IL1RL1: variants seen among roughly 807,000 people sequenced by gnomAD.
IL1RL1 encodes interleukin 1 receptor like 1, also known as interleukin-1 receptor-like 1.
IL1RL1 carries 32 observed loss-of-function variants against 50.9 expected under a neutral mutation model. The ratio of observed to expected loss-of-function variants is 0.63; its 90% CI spans 0.47 to 0.84. The LOEUF (loss-of-function observed/expected upper bound fraction) is 0.84. IL1RL1 is among the 40% of genes least tolerant of loss of function. The probability of loss-of-function intolerance (pLI) is 0.00; values close to 1 mark genes in which losing one functional copy is unlikely to be tolerated. For synonymous variants in IL1RL1, 275 were observed against 236.0 expected (o/e 1.17, Z -1.51); for missense variants, 773 against 662.9 (o/e 1.17, Z -1.82).
intron 8 of IL1RL1, chr2:102,344,493 C>T: frequency 3.2e-6 from 1 of 316,808 alleles, no homozygotes; most frequent in Non-Finnish European, 4.6e-6. Context: ...TCTTGGCCCT[C>T]AGTTTGCAGT....
At chr2:102,337,648 C>G (rs1677376840) in intron 1 of IL1RL1, among the ~76,000 whole-genome samples, 1 of 152,232 alleles carries the variant, frequency 6.6e-6, no homozygotes, top group Non-Finnish European at 1.5e-5. Context: ...TAGTCTAGTT[C>G]TGATTTTGCT....
At chr2:102,323,671 G>T (rs182038309) in intron 1 of IL1RL1, among the ~76,000 whole-genome samples, 5 of 152,170 alleles carry the variant, frequency 3.3e-5, no homozygotes, top group African/African-American at 4.8e-5. Context: ...CAAGGGAGGG[G>T]ATTGAAGGAG....
rs765932268 is a variant in IL1RL1, at chr2:102,338,954, A to G, written c.179A>G (p.Gln60Arg). The stretch of plus-strand genomic sequence containing the variant: ...CAAACAAACAAAAGTATTCCCACTC[A>G]GGAAAGAAATCGTGTGTTTGCCTCA... Reference protein sequence around the residue: ...YSQTNKSIPTQERNRVFASGQ... With the variant: ...YSQTNKSIPTRERNRVFASGQ... Residue 60 changes from glutamine to arginine, a missense_variant, in exon 3 of 11, where the codon CAG becomes CGG. Coordinates refer to ENST00000233954, the MANE Select transcript of IL1RL1 (RefSeq NM_016232.5). 1 of 1,614,008 alleles carries G rather than the reference A, an allele frequency of 6.2e-7. No individual in the cohort carries two copies. Among genetic ancestry groups the G allele is most frequent in the East Asian group, 2.2e-5 (1 of 44,878 alleles).
intron 1 of IL1RL1, among the ~76,000 whole-genome samples, chr2:102,323,728 C>T (rs2104966363): frequency 6.6e-6 from 1 of 152,226 alleles, no homozygotes; most frequent in Non-Finnish European, 1.5e-5. Context: ...CCCAAATGCT[C>T]CCCCTTAAGC....
intron 3 of IL1RL1, chr2:102,339,285 G>A (rs1256038691): frequency 6.8e-6 from 3 of 441,040 alleles, no homozygotes; most frequent in Non-Finnish European, 1.2e-5. Context: ...AGCTGACTTA[G>A]AGAAAAACCT....
At chr2:102,346,026 T>C in intron 8 of IL1RL1, 2 of 982,652 alleles carry the variant, frequency 2.0e-6, no homozygotes, top group Non-Finnish European at 2.4e-6. Flanking sequence ...ATTTCACCTG[T>C]TTTTCTTTAA....
At chr2:102,319,430 G>A (rs1056999911) in intron 1 of IL1RL1, among the ~76,000 whole-genome samples, 3 of 152,098 alleles carry the variant, frequency 2.0e-5, no homozygotes, top group African/African-American at 7.2e-5. Flanking sequence ...AAGAGAAACA[G>A]AAAAGAAAGG....
chr2:102,344,300 C>A, intron 8 of IL1RL1: 1 of 441,914 alleles, frequency 2.3e-6, no homozygotes, highest in Non-Finnish European at 3.0e-6. Context: ...TGGGGATTAC[C>A]ATTCAGCATG....
chr2:102,316,891 G>A (rs1333919752), intron 1 of IL1RL1, among the ~76,000 whole-genome samples: 1 of 152,170 alleles, frequency 6.6e-6, no homozygotes, highest in African/African-American at 2.4e-5. Flanking sequence ...CCTGTACAAT[G>A]ATGGATCAAC....
chr2:102,312,341 A>T (rs994866510), intron 1 of IL1RL1, among the ~76,000 whole-genome samples: 5 of 150,920 alleles, frequency 3.3e-5, no homozygotes, highest in African/African-American at 9.7e-5. Flanking sequence ...TTGTGAGAAA[A>T]GTAGTATTAC....
intron 1 of IL1RL1, among the ~76,000 whole-genome samples, chr2:102,332,406 T>A (rs1384719013): frequency 3.3e-5 from 5 of 152,146 alleles, no homozygotes; most frequent in African/African-American, 1.2e-4. Flanking sequence ...GCAACCCAGA[T>A]GCCCATTAAG....
intron 5 of IL1RL1, chr2:102,341,442 T>G: frequency 1.5e-6 from 1 of 680,098 alleles, no homozygotes; most frequent in Non-Finnish European, 1.9e-6. Flanking sequence ...TTCACAATCA[T>G]AGCTTATCAA....
At chr2:102,347,923 T>C in intron 8 of IL1RL1, 22 bp from the exon 9 acceptor site, 3 of 1,365,618 alleles carry the variant, frequency 2.2e-6, no homozygotes, top group Non-Finnish European at 3.1e-6. Flanking sequence ...GTAATAATAA[T>C]CTTTTTCTTT....
chr2:102,334,432 C>A (rs1677254435), intron 1 of IL1RL1, among the ~76,000 whole-genome samples: 1 of 152,084 alleles, frequency 6.6e-6, no homozygotes, highest in South Asian at 2.1e-4. Context: ...GCTAATGGAG[C>A]TGGGGGGCCC....
intron 8 of IL1RL1, chr2:102,344,299 C>A: frequency 2.3e-6 from 1 of 435,246 alleles, no homozygotes; most frequent in Non-Finnish European, 3.1e-6. Context: ...CTGGGGATTA[C>A]CATTCAGCAT....
At chr2:102,312,079 TTA>T (rs1216584900) in intron 1 of IL1RL1, among the ~76,000 whole-genome samples, 1 of 106,862 alleles carries the variant, frequency 9.4e-6, no homozygotes, top group African/African-American at 3.6e-5. Context: ...TGTTATAATG[TTA>T]TAACATTATT....
rs776707360 is a variant in IL1RL1 at position 102,349,202 on chromosome 2, G to T, written c.1241G>T (p.Gly414Val). 5 of 1,613,706 alleles carry T rather than the reference G, an allele frequency of 3.1e-6. No individual in the cohort carries two copies. The highest frequency in any genetic ancestry group is 4.2e-6 in the Non-Finnish European group (5 of 1,179,796). The change falls in exon 10 of 11, where the codon GGC becomes GTC. Residue 414 changes from glycine to valine, a missense_variant. Coordinates refer to ENST00000233954, the MANE Select transcript of IL1RL1 (RefSeq NM_016232.5). ...ILPDVLENKC[G>V]YTLCIYGRDM... The stretch of plus-strand genomic sequence containing the variant: ...CCTGATGTTCTTGAAAATAAATGTG[G>T]CTATACCTTATGCATTTATGGGAGA...
intron 1 of IL1RL1, among the ~76,000 whole-genome samples, chr2:102,335,930 T>C (rs1045776221): frequency 6.6e-6 from 1 of 152,148 alleles, no homozygotes; most frequent in African/African-American, 2.4e-5. Flanking sequence ...AGAATAATAA[T>C]GTGCAGACCT....
Position 102,334,057 on chromosome 2 carries a change from G to A in IL1RL1, c.-149-4059G>A, listed in dbSNP as rs1443349500. Among the ~76,000 whole-genome samples the A allele has an allele frequency of 5.9e-5, 9 of 152,246 alleles. No individual in the cohort carries two copies. The South Asian group carries it at 1.5e-3, about 25-fold the overall frequency. The stretch of plus-strand genomic sequence containing the variant: ...TGCAGTGAACATACTAGTAGAGGTG[G>A]AGAGGTGTCTTTTTTATACACTAAT... On this transcript the variant is annotated intron_variant, in intron 1 of 10. Coordinates refer to ENST00000233954, the MANE Select transcript of IL1RL1 (RefSeq NM_016232.5).
Sources: allele counts gnomAD v4.1 joint callset (sites outside exome capture counted in the v4.1 genomes callset), GRCh38; gene constraint gnomAD v4.1.1; transcripts MANE v1.5; gene names NCBI Gene and HGNC (gene_info 2026-07-23, HGNC 2026-07-21).